STXBP5L: variants seen among roughly 807,000 people sequenced by gnomAD.
STXBP5L encodes syntaxin binding protein 5L, also known as syntaxin-binding protein 5-like.
Under a neutral mutation model 144.5 loss-of-function variants are expected in STXBP5L, and 65 were observed. The ratio of observed to expected loss-of-function variants is 0.45; its 90% CI spans 0.37 to 0.55. The LOEUF is 0.55. STXBP5L is among the 20% of genes least tolerant of loss of function. The pLI, the probability that STXBP5L is intolerant of heterozygous loss-of-function variation, is 0.00. For missense variants in STXBP5L, 1,298 were observed against 1,405.5 expected (o/e 0.92, Z 1.22); for synonymous variants, 505 against 469.6 (o/e 1.08, Z -0.97).
chr3:121,400,103 G>C (rs927304940), intron 22 of STXBP5L, among the ~76,000 whole-genome samples: 2 of 152,200 alleles, frequency 1.3e-5, no homozygotes, highest in African/African-American at 2.4e-5. Flanking sequence ...TGCTCTTAAA[G>C]TCTTAAAATT....
At chr3:121,175,582 A>G (rs2046901638) in intron 9 of STXBP5L, among the ~76,000 whole-genome samples, 1 of 152,110 alleles carries the variant, frequency 6.6e-6, no homozygotes, top group African/African-American at 2.4e-5. Flanking sequence ...TCAAGTATAA[A>G]TGTTAAGTAA....
At chr3:121,162,476 A>G (rs1205948970) in intron 9 of STXBP5L, among the ~76,000 whole-genome samples, 3 of 152,192 alleles carry the variant, frequency 2.0e-5, no homozygotes, top group Non-Finnish European at 4.4e-5. Context: ...CCTAGAAGAA[A>G]ACCTAGGCAA....
At chr3:120,925,997 T>C (rs1017898496) in intron 2 of STXBP5L, among the ~76,000 whole-genome samples, 4 of 152,218 alleles carry the variant, frequency 2.6e-5, no homozygotes, top group Non-Finnish European at 5.9e-5. Flanking sequence ...TCTCCATTTA[T>C]GTTTTTAATT....
At chr3:121,136,632 A>C (rs1158221333) in intron 7 of STXBP5L, among the ~76,000 whole-genome samples, 5 of 152,194 alleles carry the variant, frequency 3.3e-5, no homozygotes, top group Admixed American at 1.3e-4. Context: ...GCTGGTGGGA[A>C]TGTAAATTAG....
chr3:121,214,765 T>G (rs1267338100), intron 10 of STXBP5L, among the ~76,000 whole-genome samples: 2 of 152,126 alleles, frequency 1.3e-5, no homozygotes, highest in Admixed American at 6.6e-5. Context: ...GCCTTGTTAA[T>G]TTTTTGTCTC....
intron 5 of STXBP5L, among the ~76,000 whole-genome samples, chr3:121,092,829 A>T (rs1039499265): frequency 1.3e-5 from 2 of 152,178 alleles, no homozygotes; most frequent in Admixed American, 6.5e-5. Flanking sequence ...GTGGTGAGAG[A>T]GGGCATCCCT....
chr3:120,957,034 C>A (rs1938112458), intron 3 of STXBP5L, among the ~76,000 whole-genome samples: 1 of 151,914 alleles, frequency 6.6e-6, no homozygotes, highest in Non-Finnish European at 1.5e-5. Flanking sequence ...CACTATTTGG[C>A]ATGTGGATAT....
At chr3:120,969,650 A>G (rs1940013228) in intron 3 of STXBP5L, among the ~76,000 whole-genome samples, 1 of 151,860 alleles carries the variant, frequency 6.6e-6, no homozygotes, top group Non-Finnish European at 1.5e-5. Context: ...TTCCAAAGTT[A>G]TCTTGTAGAA....
At chr3:121,277,700 A>C (rs1297413693) in intron 18 of STXBP5L, among the ~76,000 whole-genome samples, 1 of 151,004 alleles carries the variant, frequency 6.6e-6, no homozygotes, top group East Asian at 1.9e-4. Flanking sequence ...AGATATTGTG[A>C]ATTTTACGTT....
chr3:120,999,027 G>A (rs1216326105), intron 3 of STXBP5L, among the ~76,000 whole-genome samples: 1 of 152,018 alleles, frequency 6.6e-6, no homozygotes, highest in Admixed American at 6.6e-5. Context: ...TATGTTTTGT[G>A]AGATCTTCAT....
chr3:121,062,424 A>G (rs2041329619), intron 5 of STXBP5L, among the ~76,000 whole-genome samples: 1 of 152,118 alleles, frequency 6.6e-6, no homozygotes, highest in African/African-American at 2.4e-5. Flanking sequence ...TGAAGGAAAA[A>G]TGTTAAACAT....
At chr3:121,265,374 C>T (rs2050527428) in intron 18 of STXBP5L, among the ~76,000 whole-genome samples, 1 of 152,176 alleles carries the variant, frequency 6.6e-6, no homozygotes, top group Non-Finnish European at 1.5e-5. Context: ...TAAATGACTA[C>T]TGGGTAAGTA....
intron 9 of STXBP5L, among the ~76,000 whole-genome samples, chr3:121,180,793 G>A (rs933612323): frequency 6.6e-6 from 1 of 152,200 alleles, no homozygotes; most frequent in Non-Finnish European, 1.5e-5. Context: ...AGAATCACTT[G>A]AACCTAGGAG....
At chr3:120,916,591 G>A (rs556887142) in intron 2 of STXBP5L, among the ~76,000 whole-genome samples, 5 of 152,220 alleles carry the variant, frequency 3.3e-5, no homozygotes, top group African/African-American at 4.8e-5. Context: ...GTGAGCCACC[G>A]CACCTGGCAA....
chr3:121,127,314 A>G (rs1025469631), intron 7 of STXBP5L, among the ~76,000 whole-genome samples: 2 of 152,084 alleles, frequency 1.3e-5, no homozygotes, highest in African/African-American at 4.8e-5. Flanking sequence ...TGGCTGCCAT[A>G]ACATATGACC....
At chr3:121,140,604 G>C (rs981481195) in intron 7 of STXBP5L, among the ~76,000 whole-genome samples, 3 of 152,238 alleles carry the variant, frequency 2.0e-5, no homozygotes, top group Non-Finnish European at 4.4e-5. Flanking sequence ...GATGAACCTG[G>C]AGGACCTACG....
intron 3 of STXBP5L, among the ~76,000 whole-genome samples, chr3:121,020,625 C>T (rs951419831): frequency 1.3e-5 from 2 of 152,018 alleles, no homozygotes; most frequent in African/African-American, 4.8e-5. Flanking sequence ...TTAAACAAAA[C>T]AATTATCAGG....
intron 7 of STXBP5L, among the ~76,000 whole-genome samples, chr3:121,134,840 A>G (rs981569855): frequency 3.3e-5 from 5 of 152,186 alleles, no homozygotes; most frequent in African/African-American, 9.7e-5. Flanking sequence ...AGTCTTTGCT[A>G]TTGTGAATAG....
chr3:121,295,717 C>CA (rs1327640864), intron 19 of STXBP5L, among the ~76,000 whole-genome samples: 2 of 152,092 alleles, frequency 1.3e-5, no homozygotes, highest in African/African-American at 4.8e-5. Context: ...TTTTGATTGT[C>CA]ACAACTGAAG....
Sources: allele counts gnomAD v4.1 joint callset (sites outside exome capture counted in the v4.1 genomes callset), GRCh38; gene constraint gnomAD v4.1.1; transcripts MANE v1.5; gene names NCBI Gene and HGNC (gene_info 2026-07-23, HGNC 2026-07-21).